Variants in TBC1D12 observed in about 807,000 individuals in gnomAD.
The protein encoded by TBC1D12 is TBC1 domain family, member 12.
Under a neutral mutation model 86.7 loss-of-function variants are expected in TBC1D12, and 56 were observed. The ratio of observed to expected loss-of-function variants is 0.65; its 90% CI spans 0.52 to 0.81. The LOEUF is 0.81. Ranked by LOEUF, TBC1D12 falls within the 30% of genes least tolerant of loss-of-function variation. The pLI, the probability that TBC1D12 is intolerant of heterozygous loss-of-function variation, is 0.00. For synonymous variants in TBC1D12, 421 were observed against 411.7 expected (o/e 1.02, Z -0.27); for missense variants, 1,023 against 1,038.8 (o/e 0.98, Z 0.21).
chr10:94,473,585 A>C (rs2055941772), intron 2 of TBC1D12, among the ~76,000 whole-genome samples: 1 of 152,196 alleles, frequency 6.6e-6, no homozygotes, highest in Admixed American at 6.5e-5. Context: ...CTTCATATAA[A>C]TCAGTGTCTT....
Position 94,510,102 on chromosome 10 carries a change from G to A in TBC1D12, c.1612G>A (p.Ala538Thr). The change falls in exon 8 of 13, where the codon GCT (alanine) becomes ACT (threonine). Residue 538 changes from alanine to threonine, a missense_variant. By Grantham distance (58) the Ala-to-Thr change is moderately conservative (BLOSUM62 0). This residue lies in a region of TBC1D12 where 395 missense variants were observed against 507.7 expected (regional missense o/e 0.78). Transcript: ENST00000225235. ...CTTGGTAAATGCAGGTGTATCTGTT[G>A]CTGATCGAGAGGCCAGTCTGGAATT... is the stretch of plus-strand genomic sequence containing the variant. ...SENDTEGVSV[A>T]DREASLELIK... is the part of the protein sequence containing the mutation. 9.3e-6 allele frequency: 15 copies of A among 1,608,514 alleles called. No homozygotes were observed. Among genetic ancestry groups the A allele is most frequent in the Non-Finnish European group, 1.3e-5 (15 of 1,178,448 alleles).
chr10:94,451,151 TAC>T (rs2055543761), intron 2 of TBC1D12, among the ~76,000 whole-genome samples: 1 of 151,996 alleles, frequency 6.6e-6, no homozygotes, highest in African/African-American at 2.4e-5. Flanking sequence ...ACCAATAATA[TAC>T]AGTTTTAAAT....
chr10:94,481,087 G>T (rs548760982), intron 3 of TBC1D12, among the ~76,000 whole-genome samples: 2 of 139,834 alleles, frequency 1.4e-5, no homozygotes, highest in African/African-American at 5.4e-5. Context: ...CTCATCAATA[G>T]TCTTAAAATA....
At chr10:94,487,398 C>A (rs1198804984) in intron 3 of TBC1D12, among the ~76,000 whole-genome samples, 2 of 151,054 alleles carry the variant, frequency 1.3e-5, no homozygotes, top group African/African-American at 4.9e-5. Context: ...TCTTTCGTTC[C>A]TTCCAGTCTT....
chr10:94,427,598 G>GAGGCAGGT (rs1434873435), intron 1 of TBC1D12, among the ~76,000 whole-genome samples: 2 of 152,124 alleles, frequency 1.3e-5, no homozygotes, highest in Non-Finnish European at 2.9e-5. Flanking sequence ...TTGGGAGGCC[G>GAGGCAGGT]AGGCAGGTGG....
chr10:94,453,893 C>A (rs1231754891), intron 2 of TBC1D12, among the ~76,000 whole-genome samples: 1 of 152,040 alleles, frequency 6.6e-6, no homozygotes, highest in Admixed American at 6.6e-5. Context: ...ATTGTATTGC[C>A]TTTGCTCCTT....
At chr10:94,490,662 T>G (rs1244648273) in intron 3 of TBC1D12, among the ~76,000 whole-genome samples, 1 of 152,338 alleles carries the variant, frequency 6.6e-6, no homozygotes, top group African/African-American at 2.4e-5. Context: ...TTGGCTTTAG[T>G]CTGGTTTGCA....
intron 1 of TBC1D12, among the ~76,000 whole-genome samples, chr10:94,419,605 G>A (rs1220867295): frequency 1.3e-5 from 2 of 152,108 alleles, no homozygotes; most frequent in Non-Finnish European, 2.9e-5. Context: ...GGAGGCAGAA[G>A]TTGCAGTGAG....
rs368458482 is a variant in TBC1D12, at chr10:94,447,749, T to C, written c.1095+5730T>C. On this transcript the variant is annotated intron_variant, in intron 2 of 12. Coordinates refer to ENST00000225235, the MANE Select transcript of TBC1D12 (RefSeq NM_015188.2). Reference sequence around the variant, plus strand: ...TCGTAGTTCAGTTGACCTGAGTTTTTTGTTTTTTTTTCTAAATTAGTAGGT... The same window carrying C: ...TCGTAGTTCAGTTGACCTGAGTTTTCTGTTTTTTTTTCTAAATTAGTAGGT... 181 of 943,484 alleles carry C rather than the reference T, an allele frequency of 1.9e-4. No homozygotes were observed. In the African/African-American group the frequency reaches 3.0e-3, roughly 16 times the overall value. The allele number at this position is 943,484 out of a possible 1,614,324, so 58.4% of individuals were successfully genotyped here. A position where few individuals can be genotyped will look rare whatever the true frequency, so the allele number is the denominator to read the frequency against.
At chr10:94,491,027 C>T (rs994057706) in intron 3 of TBC1D12, among the ~76,000 whole-genome samples, 1 of 152,008 alleles carries the variant, frequency 6.6e-6, no homozygotes, top group Non-Finnish European at 1.5e-5. Flanking sequence ...TAAACTTTCT[C>T]CTCACCTTAG....
chr10:94,457,474 G>T (rs115663793), intron 2 of TBC1D12, among the ~76,000 whole-genome samples: 3,333 of 152,224 alleles, frequency 0.022, 125 homozygotes, highest in African/African-American at 0.074. Context: ...GAATGCAGTG[G>T]TGTAATCATA....
At chr10:94,407,831 T>C (rs571059254) in intron 1 of TBC1D12, among the ~76,000 whole-genome samples, 1 of 152,240 alleles carries the variant, frequency 6.6e-6, no homozygotes, top group East Asian at 1.9e-4. Context: ...CTGGGCATGG[T>C]AGCGTATGCC....
At chr10:94,511,729 T>C (rs1233009747) in intron 9 of TBC1D12, 75 bp downstream of exon 9, 6 of 999,572 alleles carry the variant, frequency 6.0e-6, no homozygotes, top group South Asian at 2.8e-5. Flanking sequence ...TCCTATGTTG[T>C]ATTAGCTCCC....
chr10:94,405,992 G>T (rs2054849352), intron 1 of TBC1D12, among the ~76,000 whole-genome samples: 1 of 151,864 alleles, frequency 6.6e-6, no homozygotes, highest in Admixed American at 6.6e-5. Flanking sequence ...TGTATTTTTG[G>T]TAGAGACCAG....
rs1445402635 is a variant in TBC1D12 at position 94,535,007 on chromosome 10, G to A, written c.*1911G>A. ...CAGTCAGGTGCTGTCCAGGGAACAT[G>A]TTTCCCTTGGGAGGTCTGAACAGAG... On this transcript the variant is annotated 3_prime_UTR_variant, in exon 13 of 13. Coordinates refer to ENST00000225235, the MANE Select transcript of TBC1D12 (RefSeq NM_015188.2). The A allele has an allele frequency of 9.2e-5, 14 of 152,132 alleles. No homozygotes were observed. Among genetic ancestry groups the A allele is most frequent in the Non-Finnish European group, 2.1e-4 (14 of 68,018 alleles). 9.4% of individuals were successfully genotyped at this position (152,132 alleles called of 1,614,324 possible).
chr10:94,484,182 G>A (rs1474657629), intron 3 of TBC1D12, among the ~76,000 whole-genome samples: 2 of 151,010 alleles, frequency 1.3e-5, no homozygotes, highest in Non-Finnish European at 2.9e-5. Flanking sequence ...TTTGGTTACT[G>A]TAGCTCTGTA....
chr10:94,508,096 T>C (rs914405039), intron 7 of TBC1D12, among the ~76,000 whole-genome samples: 1 of 152,210 alleles, frequency 6.6e-6, no homozygotes, highest in African/African-American at 2.4e-5. Flanking sequence ...ATTTCCTGGA[T>C]ATGTATAATT....
chr10:94,435,519 A>G (rs1317387264), intron 1 of TBC1D12, among the ~76,000 whole-genome samples: 1 of 152,148 alleles, frequency 6.6e-6, no homozygotes, highest in African/African-American at 2.4e-5. Flanking sequence ...TCTTTCTGCA[A>G]TACCTTTTAT....
chr10:94,406,923 G>C (rs937184297), intron 1 of TBC1D12, among the ~76,000 whole-genome samples: 1 of 152,140 alleles, frequency 6.6e-6, no homozygotes, highest in African/African-American at 2.4e-5. Flanking sequence ...TTTATGTTCA[G>C]TCTACAACCT....
Sources: gnomAD v4.1 joint callset for allele counts (sites outside exome capture counted in the v4.1 genomes callset) on GRCh38, gnomAD v4.1.1 for gene constraint, gnomAD v4.1.1 regional missense constraint, MANE v1.5 for transcripts, NCBI Gene and HGNC (gene_info 2026-07-23, HGNC 2026-07-21) for gene names.